PCDH11X: variants seen among roughly 807,000 people sequenced by gnomAD.
The protein encoded by PCDH11X is protocadherin-11 X-linked.
A neutral mutation model predicts 53.3 loss-of-function variants in PCDH11X; 18 were observed. The observed-to-expected ratio is 0.34, with a 90% confidence interval of 0.23 to 0.50. The LOEUF (loss-of-function observed/expected upper bound fraction) is 0.50. Among genes scored for constraint, PCDH11X ranks in the 20% least tolerant of loss-of-function variants. PCDH11X has a pLI of 0.98. For missense variants in PCDH11X, 570 were observed against 1,032.4 expected (o/e 0.55, Z 6.14); for synonymous variants, 279 against 393.3 (o/e 0.71, Z 3.44).
At chrX:91,780,928 C>G (rs1282319282) in intron 1 of PCDH11X, among the ~76,000 whole-genome samples, 4 of 112,067 alleles carry the variant, frequency 3.6e-5, no homozygotes, top group Non-Finnish European at 7.5e-5. Flanking sequence ...AGAGCTTAAC[C>G]GAAGATGGGC....
intron 6 of PCDH11X, among the ~76,000 whole-genome samples, chrX:92,041,759 C>A (rs1171549204): frequency 8.9e-6 from 1 of 111,744 alleles, no homozygotes. Context: ...ATTACGAGCT[C>A]AGGAGTTCGA....
At chrX:91,842,204 A>G (rs1937533640) in intron 5 of PCDH11X, among the ~76,000 whole-genome samples, 1 of 110,820 alleles carries the variant, frequency 9.0e-6, no homozygotes. Context: ...ATAATCTAGT[A>G]GCCTAATAGA....
At chrX:91,818,864 G>A (rs1054046878) in intron 4 of PCDH11X, among the ~76,000 whole-genome samples, 10 of 110,876 alleles carry the variant, frequency 9.0e-5, no homozygotes, top group East Asian at 2.8e-4. Flanking sequence ...ACACATGCAC[G>A]CACATAAATG....
intron 7 of PCDH11X, among the ~76,000 whole-genome samples, chrX:92,225,349 G>T (rs962824707): frequency 3.8e-5 from 4 of 105,409 alleles, no homozygotes; most frequent in Admixed American, 1.0e-4. Flanking sequence ...AAAAAAAAGC[G>T]TTTACTGAGG....
intron 4 of PCDH11X, among the ~76,000 whole-genome samples, chrX:91,816,544 G>A (rs868397863): frequency 9.0e-6 from 1 of 111,083 alleles, no homozygotes; most frequent in Non-Finnish European, 1.9e-5. Flanking sequence ...ATGATAATAC[G>A]AAAAGTGTTA....
At chrX:92,481,177 T>C (rs1176944363) in intron 10 of PCDH11X, among the ~76,000 whole-genome samples, 2 of 109,848 alleles carry the variant, frequency 1.8e-5, no homozygotes, top group Non-Finnish European at 3.8e-5. Flanking sequence ...CTGGTAAAGG[T>C]GGGGCTGCTG....
intron 10 of PCDH11X, among the ~76,000 whole-genome samples, chrX:92,594,851 T>TG (rs1458957070): frequency 5.1e-4 from 28 of 54,792 alleles, no homozygotes; most frequent in African/African-American, 3.0e-3. Context: ...ATTTTTTTTG[T>TG]TTGTTTGTTT....
chrX:92,237,300 T>TAGCA (rs1299155012), intron 7 of PCDH11X, among the ~76,000 whole-genome samples: 1 of 111,256 alleles, frequency 9.0e-6, no homozygotes, highest in East Asian at 2.8e-4. Context: ...TTTGTCAGTA[T>TAGCA]AGCAGGCTTT....
intron 9 of PCDH11X, among the ~76,000 whole-genome samples, chrX:92,433,263 G>A (rs376889029): frequency 9.0e-6 from 1 of 111,201 alleles, no homozygotes; most frequent in Non-Finnish European, 1.9e-5. Flanking sequence ...CCTGCATTGA[G>A]CCTGACCCAG....
chrX:91,982,654 A>T, intron 6 of PCDH11X: 1 of 1,142,053 alleles, frequency 8.8e-7, no homozygotes, highest in East Asian at 3.0e-5. Context: ...GTATTCATTT[A>T]TGCTTGAAAT....
intron 8 of PCDH11X, among the ~76,000 whole-genome samples, chrX:92,308,791 AC>A (rs2068884722): frequency 9.0e-6 from 1 of 111,488 alleles, no homozygotes; most frequent in Non-Finnish European, 1.9e-5. Flanking sequence ...AACAACAACA[AC>A]AAAACTAAAC....
chrX:92,193,327 T>C (rs2066233117), intron 6 of PCDH11X, among the ~76,000 whole-genome samples: 1 of 111,601 alleles, frequency 9.0e-6, no homozygotes, highest in African/African-American at 3.3e-5. Context: ...CAGATTATTT[T>C]CATGATGGCA....
chrX:92,196,290 G>C (rs762039409), intron 6 of PCDH11X, among the ~76,000 whole-genome samples: 1 of 111,722 alleles, frequency 9.0e-6, no homozygotes, highest in African/African-American at 3.2e-5. Flanking sequence ...ACTTTGAATT[G>C]TCAGTTTGAC....
chrX:92,602,077 A>G (rs1474808791), intron 10 of PCDH11X, among the ~76,000 whole-genome samples: 1 of 112,041 alleles, frequency 8.9e-6, no homozygotes, highest in African/African-American at 3.3e-5. Flanking sequence ...AGGAGTATGC[A>G]TCTAAAAGAA....
At chrX:92,385,603 G>C (rs1400661831) in intron 8 of PCDH11X, among the ~76,000 whole-genome samples, 2 of 108,719 alleles carry the variant, frequency 1.8e-5, no homozygotes, top group East Asian at 5.8e-4. Flanking sequence ...TGGAGGCCTA[G>C]ATGGGTGGAT....
chrX:91,878,737 G>A lies in PCDH11X; in HGVS notation c.2497G>A (p.Val833Ile). Residue 833 changes from valine (V) to isoleucine (I), a missense_variant, in exon 6 of 11, where the codon GTA becomes ATA. Val to Ile is a conservative substitution (Grantham distance 29). This residue lies in a region of PCDH11X where 226 missense variants were observed against 457.5 expected (regional missense o/e 0.49). Transcript: ENST00000682573. Reference sequence around the variant, plus strand: ...CGTTGTAGTTATTTTCATCACTGCTGTAGTAAGATGTCGCCAGGCACCACA... The same window carrying A: ...CGTTGTAGTTATTTTCATCACTGCTATAGTAAGATGTCGCCAGGCACCACA... ...TVVVVIFITA[V>I]VRCRQAPHLK... 2 of 1,210,805 alleles carry A rather than the reference G, an allele frequency of 1.7e-6. No homozygotes were observed. The highest frequency in any genetic ancestry group is 1.7e-5 in the African/African-American group (1 of 57,538).
intron 6 of PCDH11X, among the ~76,000 whole-genome samples, chrX:91,948,206 G>A (rs1248260037): frequency 1.8e-5 from 2 of 108,355 alleles, no homozygotes; most frequent in African/African-American, 6.6e-5. Flanking sequence ...TTTTACCAAG[G>A]AAACCTTAAG....
chrX:92,021,802 A>G (rs2062888539), intron 6 of PCDH11X, among the ~76,000 whole-genome samples: 1 of 109,288 alleles, frequency 9.2e-6, no homozygotes, highest in African/African-American at 3.3e-5. Context: ...AGGGAAGCCC[A>G]TCATACTAAC....
chrX:92,608,437 G>A (rs1301585670), intron 10 of PCDH11X, among the ~76,000 whole-genome samples: 4 of 108,010 alleles, frequency 3.7e-5, no homozygotes, highest in Non-Finnish European at 7.7e-5. Flanking sequence ...TGTGAAGGTA[G>A]AAAATGTATG....
Sources: gnomAD v4.1 joint callset for allele counts (sites outside exome capture counted in the v4.1 genomes callset) on GRCh38, gnomAD v4.1.1 for gene constraint, gnomAD v4.1.1 regional missense constraint, MANE v1.5 for transcripts, NCBI Gene and HGNC (gene_info 2026-07-23, HGNC 2026-07-21) for gene names.